The following NKAIN2 variants were observed in gnomAD, a reference collection of about 807,000 sequenced individuals.
The protein encoded by NKAIN2 is sodium/potassium transporting ATPase interacting 2, also known as sodium/potassium-transporting ATPase subunit beta-1-interacting protein 2.
Under a neutral mutation model 32.6 loss-of-function variants are expected in NKAIN2, and 14 were observed. The ratio of observed to expected loss-of-function variants is 0.43; its 90% CI spans 0.28 to 0.67. The LOEUF is 0.67. NKAIN2 is among the 30% of genes least tolerant of loss of function. The probability of loss-of-function intolerance (pLI) is 0.17; values close to 1 mark genes in which losing one functional copy is unlikely to be tolerated. For missense variants in NKAIN2, 198 were observed against 258.3 expected (o/e 0.77, Z 1.60); for synonymous variants, 80 against 87.2 (o/e 0.92, Z 0.46).
intron 3 of NKAIN2, among the ~76,000 whole-genome samples, chr6:124,533,953 T>A (rs1779621965): frequency 6.6e-6 from 1 of 152,152 alleles, no homozygotes; most frequent in Non-Finnish European, 1.5e-5. Context: ...CTCCCATTCA[T>A]GAGGATTTCA....
intron 3 of NKAIN2, among the ~76,000 whole-genome samples, chr6:124,624,916 T>TAA (rs1160283156): frequency 1.5e-5 from 2 of 134,732 alleles, no homozygotes; most frequent in Non-Finnish European, 3.4e-5. Flanking sequence ...TTAAATAGAC[T>TAA]AAAGTGTCTC....
chr6:124,416,050 G>A (rs1234575550), intron 3 of NKAIN2, among the ~76,000 whole-genome samples: 1 of 151,420 alleles, frequency 6.6e-6, no homozygotes, highest in Non-Finnish European at 1.5e-5. Context: ...TCTCCTTCTG[G>A]AAAGATAGAC....
intron 1 of NKAIN2, among the ~76,000 whole-genome samples, chr6:123,839,109 T>G (rs1774754576): frequency 6.6e-6 from 1 of 152,066 alleles, no homozygotes; most frequent in African/African-American, 2.4e-5. Context: ...AGGGACTCTG[T>G]GTGTCCTGTT....
At chr6:124,375,268 C>T (rs1015852734) in intron 3 of NKAIN2, among the ~76,000 whole-genome samples, 40 of 151,952 alleles carry the variant, frequency 2.6e-4, no homozygotes, top group Admixed American at 2.4e-3. Flanking sequence ...TTATCATAGT[C>T]TGGCATTACT....
intron 1 of NKAIN2, among the ~76,000 whole-genome samples, chr6:124,195,571 G>C (rs1562415458): frequency 1.3e-5 from 2 of 152,146 alleles, no homozygotes; most frequent in African/African-American, 2.4e-5. Context: ...CCAAAGAGTT[G>C]AGAGATTTGT....
chr6:124,574,643 G>GAACA (rs1432204407), intron 3 of NKAIN2, among the ~76,000 whole-genome samples: 1 of 151,870 alleles, frequency 6.6e-6, no homozygotes, highest in Non-Finnish European at 1.5e-5. Context: ...AAACAACAAT[G>GAACA]AACAAACAAA....
intron 3 of NKAIN2, among the ~76,000 whole-genome samples, chr6:124,420,881 A>G (rs1256979317): frequency 1.3e-5 from 2 of 152,038 alleles, no homozygotes; most frequent in Non-Finnish European, 2.9e-5. Context: ...CTCACTCACT[A>G]GGACGAGTAG....
At chr6:124,263,042 T>G (rs940549081) in intron 1 of NKAIN2, among the ~76,000 whole-genome samples, 9 of 152,214 alleles carry the variant, frequency 5.9e-5, no homozygotes, top group Non-Finnish European at 1.3e-4. Flanking sequence ...TAGTAAGTGT[T>G]GCTTGTTATA....
intron 3 of NKAIN2, among the ~76,000 whole-genome samples, chr6:124,459,296 T>C (rs1776440371): frequency 6.6e-6 from 1 of 151,924 alleles, no homozygotes; most frequent in Non-Finnish European, 1.5e-5. Flanking sequence ...CCTGGCTCTA[T>C]GGCTTACATA....
chr6:124,567,583 A>G (rs958010318), intron 3 of NKAIN2, among the ~76,000 whole-genome samples: 1 of 152,216 alleles, frequency 6.6e-6, no homozygotes, highest in African/African-American at 2.4e-5. Flanking sequence ...ACAATTAACC[A>G]TAGTGAGATA....
intron 5 of NKAIN2, among the ~76,000 whole-genome samples, chr6:124,805,605 G>A (rs1395720807): frequency 2.0e-5 from 3 of 151,578 alleles, no homozygotes; most frequent in African/African-American, 4.9e-5. Context: ...CCAAAGGATC[G>A]CAGTTCCTCA....
chr6:124,447,526 T>A (rs1206124819), intron 3 of NKAIN2, among the ~76,000 whole-genome samples: 1 of 152,130 alleles, frequency 6.6e-6, no homozygotes, highest in Non-Finnish European at 1.5e-5. Flanking sequence ...AACAAAGGAA[T>A]ACTCTGCTTG....
At chr6:124,689,979 C>G (rs573013927) in intron 4 of NKAIN2, among the ~76,000 whole-genome samples, 1 of 152,090 alleles carries the variant, frequency 6.6e-6, no homozygotes, top group Non-Finnish European at 1.5e-5. Context: ...TGTTTGTTGA[C>G]ATTCACAAAA....
At chr6:124,424,400 G>T (rs562076880) in intron 3 of NKAIN2, among the ~76,000 whole-genome samples, 2 of 152,138 alleles carry the variant, frequency 1.3e-5, no homozygotes, top group African/African-American at 4.8e-5. Context: ...GTGTATGTGT[G>T]TGTGTGTGAT....
chr6:124,687,277 G>GAGAGAATATATATATTCTATAT (rs1562324406), intron 4 of NKAIN2, among the ~76,000 whole-genome samples: 13 of 124,392 alleles, frequency 1.0e-4, no homozygotes, highest in African/African-American at 4.1e-4. Flanking sequence ...TCTATATATA[G>GAGAGAATATATATATTCTATAT]AGAGAGAATA....
intron 3 of NKAIN2, among the ~76,000 whole-genome samples, chr6:124,435,229 G>A (rs1459883594): frequency 6.6e-6 from 1 of 152,078 alleles, no homozygotes; most frequent in African/African-American, 2.4e-5. Flanking sequence ...GAAATAGCTA[G>A]AATGTTTGAG....
intron 3 of NKAIN2, among the ~76,000 whole-genome samples, chr6:124,567,452 A>G (rs1392062800): frequency 2.0e-5 from 3 of 152,220 alleles, no homozygotes; most frequent in Non-Finnish European, 1.5e-5. Context: ...GAATTTACCC[A>G]TTTGTATTTA....
At chr6:124,356,889 T>C (rs1799010486) in intron 3 of NKAIN2, among the ~76,000 whole-genome samples, 2 of 152,316 alleles carry the variant, frequency 1.3e-5, no homozygotes, top group African/African-American at 2.4e-5. Flanking sequence ...TGTTCAGACA[T>C]ATGGCCTGAG....
intron 1 of NKAIN2, among the ~76,000 whole-genome samples, chr6:124,168,320 A>G (rs139197617): frequency 2.2e-3 from 334 of 152,238 alleles, no homozygotes; most frequent in African/African-American, 7.5e-3. Flanking sequence ...TAAGTTTCCA[A>G]AAATGATTTG....
Sources: gnomAD v4.1 joint callset for allele counts (sites outside exome capture counted in the v4.1 genomes callset) on GRCh38, gnomAD v4.1.1 for gene constraint, MANE v1.5 for transcripts, NCBI Gene and HGNC (gene_info 2026-07-23, HGNC 2026-07-21) for gene names.